MAP7: variants seen among roughly 807,000 people sequenced by gnomAD.
MAP7 encodes ensconsin.
A neutral mutation model predicts 94.8 loss-of-function variants in MAP7; 52 were observed. That is an observed-to-expected ratio of 0.55 (90% CI 0.44 to 0.69). MAP7 has a LOEUF of 0.69. Among genes scored for constraint, MAP7 ranks in the 30% least tolerant of loss-of-function variants. The pLI, the probability that MAP7 is intolerant of heterozygous loss-of-function variation, is 0.00. For synonymous variants in MAP7, 350 were observed against 357.0 expected (o/e 0.98, Z 0.22); for missense variants, 940 against 964.6 (o/e 0.97, Z 0.34).
At chr6:136,498,021 A>T (rs1818801163) in intron 1 of MAP7, among the ~76,000 whole-genome samples, 1 of 152,020 alleles carries the variant, frequency 6.6e-6, no homozygotes, top group Non-Finnish European at 1.5e-5. Flanking sequence ...TCCTAAAATG[A>T]TGGAGACTTG....
intron 9 of MAP7, 84 bp downstream of exon 9, chr6:136,366,243 G>T: frequency 8.3e-7 from 1 of 1,204,140 alleles, no homozygotes; most frequent in Non-Finnish European, 1.2e-6. Context: ...CAAACAGCAT[G>T]AGAAGAACAG....
Position 136,550,220 on chromosome 6 carries a change from G to C in MAP7, c.67+122C>G, listed in dbSNP as rs574787637. 1.2e-5 allele frequency: 10 copies of C among 841,692 alleles called. No homozygotes were observed. The highest frequency in any genetic ancestry group is 1.8e-5 in the African/African-American group (1 of 54,830). 52.1% of individuals were successfully genotyped at this position (841,692 alleles called of 1,614,324 possible). On this transcript the variant is annotated intron_variant, in intron 1 of 17. Transcript: ENST00000354570. The surrounding 1 kb of genome is among the most constrained non-coding windows in gnomAD (Gnocchi z 5.1). The stretch of plus-strand genomic sequence containing the variant: ...CGCGGCGCGCAGGGCCGGTTGTTCC[G>C]GGCCGCGGCCGCGCGGGCGGGGAGG...
intron 1 of MAP7, among the ~76,000 whole-genome samples, chr6:136,537,190 G>C (rs1029270433): frequency 2.0e-5 from 3 of 151,538 alleles, no homozygotes; most frequent in Admixed American, 6.6e-5. Context: ...GCAAGCAGCA[G>C]ATAAATATTG....
chr6:136,441,528 T>G (rs1429328551), intron 1 of MAP7, among the ~76,000 whole-genome samples: 1 of 152,250 alleles, frequency 6.6e-6, no homozygotes, highest in Admixed American at 6.5e-5. Context: ...ATTTTGCTCT[T>G]TCAGCATATA....
intron 2 of MAP7, chr6:136,420,182 C>T (rs1389961899): frequency 1.0e-6 from 1 of 987,340 alleles, no homozygotes; most frequent in Non-Finnish European, 1.6e-6. Context: ...TGCAGTGGGC[C>T]CCCAGATGAC....
chr6:136,403,907 T>C (rs1784856597), intron 3 of MAP7, among the ~76,000 whole-genome samples: 1 of 152,234 alleles, frequency 6.6e-6, no homozygotes, highest in Admixed American at 6.5e-5. Context: ...TTAACCTGCC[T>C]GACAGCCTCA....
chr6:136,350,949 T>C (rs1789007775), intron 16 of MAP7, among the ~76,000 whole-genome samples: 2 of 152,116 alleles, frequency 1.3e-5, no homozygotes, highest in South Asian at 4.2e-4. Flanking sequence ...CAGGGATCAG[T>C]GCTAGGTTTA....
In MAP7 at chr6:136,505,271, GTGTGTGTATATATATATATA is replaced by G. The variant is rs1210262406; in HGVS notation, c.67+45051_67+45070del. ...ATGTAATGTGTGTGTGTGTGTGTGTGTGTGTGTATATATATATATATATATATATATATATATATATAGTA... is the reference window on the plus strand; with the variant it reads ...ATGTAATGTGTGTGTGTGTGTGTGTGTATATATATATATATATATATAGTA... On this transcript the variant is annotated intron_variant, in intron 1 of 17. Transcript: ENST00000354570. 5.3e-3 allele frequency among the ~76,000 whole-genome samples: 508 copies of G among 95,442 alleles called. 3 individuals carry two copies. Among genetic ancestry groups the G allele is most frequent in the East Asian group, 0.048 (103 of 2,138 alleles). The allele number at this position is 95,442 out of a possible 152,430, so 62.6% of individuals were successfully genotyped here.
chr6:136,493,343 G>A (rs1242493060), intron 1 of MAP7, among the ~76,000 whole-genome samples: 1 of 152,002 alleles, frequency 6.6e-6, no homozygotes, highest in Non-Finnish European at 1.5e-5. Context: ...GTCTGGTCTC[G>A]AACTCCTGAC....
intron 1 of MAP7, among the ~76,000 whole-genome samples, chr6:136,510,089 C>T (rs977315109): frequency 6.6e-6 from 1 of 152,058 alleles, no homozygotes; most frequent in Non-Finnish European, 1.5e-5. Context: ...GTAGTCCCTG[C>T]CACTCGGGAG....
intron 1 of MAP7, chr6:136,526,157 G>A: frequency 7.6e-7 from 1 of 1,308,316 alleles, no homozygotes; most frequent in Non-Finnish European, 9.7e-7. Flanking sequence ...CTGAGGCCCT[G>A]CAGTTCCCCT....
At position 136,451,813 on chromosome 6, in the gene MAP7, G is replaced by A. The variant is rs572347357; in HGVS notation, c.68-30014C>T. Among the ~76,000 whole-genome samples, 8 of 152,286 alleles carry A rather than the reference G, an allele frequency of 5.3e-5. 1 individual carries two copies. The highest frequency in any genetic ancestry group is 1.3e-4 in the Admixed American group (2 of 15,302). ...GATTGAGGGGATCAAGACTTCAGTG[G>A]AGGTTAGTAACTGCAGCTGTTGCAG... On this transcript the variant is annotated intron_variant, in intron 1 of 17. Coordinates refer to ENST00000354570, the MANE Select transcript of MAP7 (RefSeq NM_003980.6).
rs182841844 is a variant in MAP7 at position 136,363,588 on chromosome 6, T to C, written c.1274-886A>G. Among the ~76,000 whole-genome samples the C allele has an allele frequency of 1.3e-4, 20 of 152,372 alleles. No homozygotes were observed. The East Asian group carries it at 3.7e-3, about 28-fold the overall frequency. On this transcript the variant is annotated intron_variant, in intron 10 of 17. Coordinates refer to ENST00000354570, the MANE Select transcript of MAP7 (RefSeq NM_003980.6). The stretch of plus-strand genomic sequence containing the variant: ...AACCTGTTTTGAATCATCTCTTCTT[T>C]CTTTGCCCCACCCTCTATCTTCAAA...
intron 1 of MAP7, among the ~76,000 whole-genome samples, chr6:136,520,075 C>T (rs187927966): frequency 2.4e-4 from 36 of 151,884 alleles, no homozygotes; most frequent in Non-Finnish European, 1.0e-4. Context: ...TGGTGGTATG[C>T]ACCTCTAGTT....
chr6:136,502,361 A>C lies in MAP7; in HGVS notation c.67+47981T>G, dbSNP rs78877511. ...TTCCCTGGCCAGATAAGTATACTAC[A>C]TTCCTTTCTTTGTGATTCGTAATAA... On this transcript the variant is annotated intron_variant, in intron 1 of 17. Coordinates refer to ENST00000354570, the MANE Select transcript of MAP7 (RefSeq NM_003980.6). Among the ~76,000 whole-genome samples the C allele has an allele frequency of 5.5e-3, 841 of 152,388 alleles. 4 individuals carry two copies. The highest frequency in any genetic ancestry group is 9.7e-3 in the Non-Finnish European group (662 of 68,038).
In MAP7 at chr6:136,461,620, G is replaced by T. The variant is rs554065329; in HGVS notation, c.68-39821C>A. Among the ~76,000 whole-genome samples, 4 of 152,224 alleles carry T rather than the reference G, an allele frequency of 2.6e-5. 1 individual carries two copies. The highest frequency in any genetic ancestry group is 9.6e-5 in the African/African-American group (4 of 41,534). ...AGAAACACACTTATATAACCTAATG[G>T]GTTACGATCCAGAAATGGATTAAGG... On this transcript the variant is annotated intron_variant, in intron 1 of 17. Transcript: ENST00000354570.
chr6:136,408,548 T>G (rs182863503), intron 3 of MAP7, among the ~76,000 whole-genome samples: 1 of 152,334 alleles, frequency 6.6e-6, no homozygotes, highest in East Asian at 1.9e-4. Context: ...ATGATTTCAA[T>G]GTTATTTTCA....
At chr6:136,410,163 C>A (rs1353281570) in intron 3 of MAP7, among the ~76,000 whole-genome samples, 1 of 152,040 alleles carries the variant, frequency 6.6e-6, no homozygotes, top group Non-Finnish European at 1.5e-5. Context: ...TGATTTAAAC[C>A]ATAAAGGAAT....
In MAP7 at chr6:136,365,983, G is replaced by A. The variant is rs1323716631; in HGVS notation, c.1025C>T (p.Thr342Ile). The change falls in exon 10 of 18, where the codon ACA becomes ATA. Residue 342 changes from threonine to isoleucine, a missense_variant. By Grantham distance (89) the Thr-to-Ile change is moderately conservative. Coordinates refer to ENST00000354570, the MANE Select transcript of MAP7 (RefSeq NM_003980.6). ...PSKSLPHLPGTPRPTSSLPPG... is the reference protein window; with the variant it reads ...PSKSLPHLPGIPRPTSSLPPG... ...TGGCAAGGAGGATGTCGGTCTGGGT[G>A]TGCCAGGCAAATGAGGAAGAGACTT... 6.2e-7 allele frequency: 1 copy of A among 1,612,610 alleles called. No individual in the cohort carries two copies. The highest frequency in any genetic ancestry group is 1.3e-5 in the African/African-American group (1 of 74,888).
Sources: gnomAD v4.1 joint callset for allele counts (sites outside exome capture counted in the v4.1 genomes callset) on GRCh38, gnomAD v4.1.1 for gene constraint, Gnocchi (gnomAD v3.1) non-coding constraint, MANE v1.5 for transcripts, NCBI Gene and HGNC (gene_info 2026-07-23, HGNC 2026-07-21) for gene names.